The following FAM13C variants were observed in gnomAD, a reference collection of about 807,000 sequenced individuals.
FAM13C encodes the protein family with sequence similarity 13 member C.
Under a neutral mutation model 73.2 loss-of-function variants are expected in FAM13C, and 37 were observed. That is an observed-to-expected ratio of 0.51 (90% CI 0.39 to 0.67). The LOEUF is 0.67. Among genes scored for constraint, FAM13C ranks in the 30% least tolerant of loss-of-function variants. FAM13C has a pLI of 0.00. For missense variants in FAM13C, 589 were observed against 715.6 expected (o/e 0.82, Z 2.02); for synonymous variants, 246 against 260.9 (o/e 0.94, Z 0.55).
At chr10:59,361,692 G>T (rs967905263) in intron 1 of FAM13C, among the ~76,000 whole-genome samples, 17 of 151,862 alleles carry the variant, frequency 1.1e-4, no homozygotes, top group African/African-American at 4.1e-4. Context: ...ATAATATTAG[G>T]AAAACATTAA....
At chr10:59,356,566 C>T (rs1027363372) in intron 1 of FAM13C, among the ~76,000 whole-genome samples, 2 of 152,138 alleles carry the variant, frequency 1.3e-5, no homozygotes, top group Non-Finnish European at 2.9e-5. Flanking sequence ...CAACCATTCC[C>T]ACTCAGCCCC....
intron 6 of FAM13C, among the ~76,000 whole-genome samples, chr10:59,280,996 G>A (rs893207721): frequency 7.2e-5 from 11 of 151,982 alleles, no homozygotes; most frequent in South Asian, 2.1e-4. Context: ...TCAAAATCAC[G>A]GATTTTGTCC....
chr10:59,254,295 C>A, intron 11 of FAM13C, 53 bp downstream of exon 11: 3 of 1,185,992 alleles, frequency 2.5e-6, no homozygotes, highest in South Asian at 1.5e-5. Flanking sequence ...TATGTGACAT[C>A]CTGTTAACTA....
intron 8 of FAM13C, among the ~76,000 whole-genome samples, chr10:59,264,821 G>A (rs1842859214): frequency 6.6e-6 from 1 of 152,080 alleles, no homozygotes; most frequent in Non-Finnish European, 1.5e-5. Flanking sequence ...CCACAGATCA[G>A]TAAAAACTGA....
rs1453155142 is a variant in FAM13C at position 59,252,830 on chromosome 10, G to C, written c.1501C>G (p.Leu501Val). The C allele has an allele frequency of 6.2e-7, 1 of 1,613,902 alleles. No homozygotes were observed. Among genetic ancestry groups the C allele is most frequent in the Admixed American group, 1.7e-5 (1 of 60,000 alleles). ...DEKKEVKPPA[L>V]SMSNLHEATM... The stretch of plus-strand genomic sequence containing the variant: ...GCCTCATGTAAATTAGACATGGAGA[G>C]AGCTGGTGGTTTTACTTCTTTCTTT... Residue 501 changes from leucine (L) to valine (V), a missense_variant, in exon 12 of 14, where the codon CTC becomes GTC. By Grantham distance (32) the Leu-to-Val change is conservative. Transcript: ENST00000618804.
At chr10:59,303,009 C>T (rs1847778272) in intron 4 of FAM13C, 145 bp from the exon 5 acceptor site, 5 of 668,544 alleles carry the variant, frequency 7.5e-6, no homozygotes, top group Non-Finnish European at 1.3e-5. Flanking sequence ...ATACAGACTC[C>T]TTACAATGGC....
chr10:59,301,766 T>C (rs529719223), intron 5 of FAM13C, among the ~76,000 whole-genome samples: 62 of 152,340 alleles, frequency 4.1e-4, no homozygotes, highest in African/African-American at 1.4e-3. Context: ...ATTGTAGAAT[T>C]TGGAGCCTGT....
chr10:59,265,905 T>A (rs1843012504), intron 8 of FAM13C, among the ~76,000 whole-genome samples: 1 of 152,206 alleles, frequency 6.6e-6, no homozygotes, highest in Non-Finnish European at 1.5e-5. Context: ...AAGTGAAATA[T>A]TCTGATTCAA....
chr10:59,344,416 C>A (rs1384570764), intron 3 of FAM13C, among the ~76,000 whole-genome samples: 1 of 150,016 alleles, frequency 6.7e-6, no homozygotes, highest in Non-Finnish European at 1.5e-5. Context: ...GTAGCTGGGA[C>A]TACAGGCGCC....
At chr10:59,247,808 A>G (rs1229770120) in intron 13 of FAM13C, 71 bp from the exon 14 acceptor site, 1 of 1,491,082 alleles carries the variant, frequency 6.7e-7, no homozygotes, top group Non-Finnish European at 9.1e-7. Flanking sequence ...TTTATAATTC[A>G]TACATGAGAA....
intron 4 of FAM13C, among the ~76,000 whole-genome samples, chr10:59,315,991 A>G (rs1849483847): frequency 1.3e-5 from 2 of 152,076 alleles, no homozygotes; most frequent in African/African-American, 2.4e-5. Context: ...GTGCAGTGGC[A>G]TGATCTCAGC....
At position 59,324,021 on chromosome 10, in the gene FAM13C, A is replaced by G. The variant is rs545971019; in HGVS notation, c.410T>C (p.Phe137Ser). Residue 137 changes from phenylalanine (F) to serine (S), a missense_variant, in exon 4 of 14, where the codon TTC becomes TCC. By Grantham distance (155) the Phe-to-Ser change is radical. Coordinates refer to ENST00000618804, the MANE Select transcript of FAM13C (RefSeq NM_198215.4). ...PAHESPQNNAFKCQETVRLQP... is the reference protein window; with the variant it reads ...PAHESPQNNASKCQETVRLQP... Reference sequence around the variant, plus strand: ...AAGTCGCACTGTTTCTTGGCACTTGAAGGCATTGTTTTGTGGACTCTCATG... The same window carrying G: ...AAGTCGCACTGTTTCTTGGCACTTGGAGGCATTGTTTTGTGGACTCTCATG... 55 of 1,613,952 alleles carry G rather than the reference A, an allele frequency of 3.4e-5. No individual in the cohort carries two copies. Among genetic ancestry groups the G allele is most frequent in the Non-Finnish European group, 4.7e-5 (55 of 1,179,966 alleles).
At chr10:59,322,147 C>T (rs933745211) in intron 4 of FAM13C, among the ~76,000 whole-genome samples, 6 of 152,092 alleles carry the variant, frequency 3.9e-5, no homozygotes, top group African/African-American at 7.2e-5. Flanking sequence ...TTTTTAGCCT[C>T]GGATCTCATT....
chr10:59,281,724 C>T (rs1328999396), intron 6 of FAM13C, among the ~76,000 whole-genome samples: 2 of 151,970 alleles, frequency 1.3e-5, no homozygotes, highest in East Asian at 1.9e-4. Context: ...TTGCCCATGC[C>T]GAATTAGAAA....
At chr10:59,327,930 C>T (rs1295809975) in intron 3 of FAM13C, among the ~76,000 whole-genome samples, 2 of 152,176 alleles carry the variant, frequency 1.3e-5, no homozygotes, top group African/African-American at 2.4e-5. Context: ...TCCAAACTGA[C>T]CAAGGGGACT....
At chr10:59,324,187 G>C in intron 3 of FAM13C, 81 bp from the exon 4 acceptor site, 1 of 1,138,848 alleles carries the variant, frequency 8.8e-7, no homozygotes, top group South Asian at 1.4e-5. Flanking sequence ...AGTGGGTCTC[G>C]GGGCAGGGAA....
intron 8 of FAM13C, among the ~76,000 whole-genome samples, chr10:59,264,370 A>C (rs1168908900): frequency 6.6e-6 from 1 of 152,168 alleles, no homozygotes; most frequent in Non-Finnish European, 1.5e-5. Flanking sequence ...GAAACAGTAA[A>C]TATTCTTGAC....
rs56014116 is a variant in FAM13C at position 59,311,021 on chromosome 10, A to G, written c.444-8157T>C. Among the ~76,000 whole-genome samples the G allele has an allele frequency of 9.6e-3, 1,460 of 152,286 alleles. 14 individuals are homozygous for G. The highest frequency in any genetic ancestry group is 0.027 in the Middle Eastern group (8 of 292). On this transcript the variant is annotated intron_variant, in intron 4 of 13. Transcript: ENST00000618804. Reference sequence around the variant, plus strand: ...AGGGAGGAACTTCTTTGAGTATAGGAGTGACATGGTGTTTCTGGCCTGGTC... The same window carrying G: ...AGGGAGGAACTTCTTTGAGTATAGGGGTGACATGGTGTTTCTGGCCTGGTC...
At chr10:59,268,226 A>AAAGAAGAAGAAG (rs61116802) in intron 8 of FAM13C, among the ~76,000 whole-genome samples, 117 of 151,208 alleles carry the variant, frequency 7.7e-4, no homozygotes, top group African/African-American at 2.7e-3. Flanking sequence ...GAAAAAAGAA[A>AAAGAAGAAGAAG]AAGAAGAAGA....
Sources: gnomAD v4.1 joint callset for allele counts (sites outside exome capture counted in the v4.1 genomes callset) on GRCh38, gnomAD v4.1.1 for gene constraint, MANE v1.5 for transcripts, NCBI Gene and HGNC (gene_info 2026-07-23, HGNC 2026-07-21) for gene names.